The following SLC8B1 variants were observed in gnomAD, a reference collection of about 807,000 sequenced individuals.
The protein encoded by SLC8B1 is solute carrier family 8 member B1, also known as mitochondrial sodium/calcium exchanger protein.
SLC8B1 carries 52 observed loss-of-function variants against 63.4 expected under a neutral mutation model. The ratio of observed to expected loss-of-function variants is 0.82; its 90% CI spans 0.66 to 1.03. SLC8B1 has a LOEUF of 1.03. Ranked by LOEUF, SLC8B1 falls within the 50% of genes least tolerant of loss-of-function variation. The pLI, the probability that SLC8B1 is intolerant of heterozygous loss-of-function variation, is 0.00. For missense variants in SLC8B1, 657 were observed against 741.7 expected (o/e 0.89, Z 1.33); for synonymous variants, 336 against 323.9 (o/e 1.04, Z -0.40).
Position 113,320,422 on chromosome 12 carries a change from G to A in SLC8B1, c.603C>T (p.Pro201=). The change falls in exon 7 of 16, where the codon CCC becomes CCT. Residue 201 remains proline, a synonymous_variant. Coordinates refer to ENST00000680972, the MANE Select transcript of SLC8B1 (RefSeq NM_001358345.2). The surrounding 1 kb of genome is among the most constrained non-coding windows in gnomAD (Gnocchi z 5.3). ...ILHPFMAASR[P]FFRDIVFYMV... ...TGTAGAAAACGATGTCCCTGAAGAA[G>A]GGCCTGGAGGCAGCCATGAAGGGGT... 1 of 1,614,166 alleles carries A rather than the reference G, an allele frequency of 6.2e-7. No homozygotes were observed. Among genetic ancestry groups the A allele is most frequent in the Non-Finnish European group, 8.5e-7 (1 of 1,180,026 alleles).
intron 10 of SLC8B1, 143 bp downstream of exon 10, chr12:113,316,383 T>C: frequency 8.8e-7 from 1 of 1,139,716 alleles, no homozygotes; most frequent in East Asian, 2.4e-5. Context: ...ACGCCTCAGT[T>C]TCCCCATCAA....
At chr12:113,312,464 G>A (rs971287875) in intron 11 of SLC8B1, among the ~76,000 whole-genome samples, 1 of 152,074 alleles carries the variant, frequency 6.6e-6, no homozygotes, top group African/African-American at 2.4e-5. Flanking sequence ...GAGTGGGGGA[G>A]TGACCACAAC....
rs1300460695 is a variant in SLC8B1, at chr12:113,311,752, G to C, written c.1136-1397C>G. On this transcript the variant is annotated intron_variant, in intron 11 of 15. Transcript: ENST00000680972. ...AGGGTCTCGATGTATCAACCAGGCTGGAGTGCACTGACACAATCACAGCTC... is the reference window on the plus strand; with the variant it reads ...AGGGTCTCGATGTATCAACCAGGCTCGAGTGCACTGACACAATCACAGCTC... Among the ~76,000 whole-genome samples the C allele has an allele frequency of 2.7e-5, 4 of 145,784 alleles. No homozygotes were observed. The Admixed American group carries it at 2.8e-4, about 10-fold the overall frequency.
At chr12:113,325,612 C>T (rs1477312684) in intron 2 of SLC8B1, among the ~76,000 whole-genome samples, 2 of 151,156 alleles carry the variant, frequency 1.3e-5, no homozygotes, top group Admixed American at 6.6e-5. Flanking sequence ...TCGCCCAGGC[C>T]AGACTGCAGT....
At chr12:113,300,051 T>A in intron 15 of SLC8B1, 77 bp from the exon 16 acceptor site, 1 of 1,331,772 alleles carries the variant, frequency 7.5e-7, no homozygotes, top group Non-Finnish European at 1.1e-6. Context: ...AACACAACAA[T>A]GCAGCCTCAA....
At position 113,320,769 on chromosome 12, in the gene SLC8B1, C is replaced by A; in HGVS notation, c.420+81G>T. ...GACCCTATCCCCCAGCTTCCCCACA[C>A]GGGGATAGACATGACCCTATCTCCC... is the stretch of plus-strand genomic sequence containing the variant. On this transcript the variant is annotated intron_variant, in intron 5 of 15. Coordinates refer to ENST00000680972, the MANE Select transcript of SLC8B1 (RefSeq NM_001358345.2). This position sits in a 1 kb window ranked among gnomAD's most constrained non-coding sequence, Gnocchi z 5.3. 6.4e-7 allele frequency: 1 copy of A among 1,573,654 alleles called. No individual in the cohort carries two copies. Among genetic ancestry groups the A allele is most frequent in the Non-Finnish European group, 8.6e-7 (1 of 1,157,806 alleles).
intron 2 of SLC8B1, among the ~76,000 whole-genome samples, chr12:113,323,734 T>C (rs1956960486): frequency 1.3e-5 from 2 of 151,914 alleles, no homozygotes; most frequent in Non-Finnish European, 2.9e-5. Flanking sequence ...CAAAAAAAGC[T>C]AAGACAGTAA....
At chr12:113,316,350 G>A (rs1276340467) in intron 10 of SLC8B1, among the ~76,000 whole-genome samples, 176 bp downstream of exon 10, 1 of 152,174 alleles carries the variant, frequency 6.6e-6, no homozygotes, top group African/African-American at 2.4e-5. Context: ...CAGAGCCCCA[G>A]GTCAAGCCAT....
In SLC8B1 at chr12:113,299,682, A is replaced by G. The variant is rs1033901619; in HGVS notation, c.*95T>C. 8.0e-7 allele frequency: 1 copy of G among 1,251,942 alleles called. No individual in the cohort carries two copies. Among genetic ancestry groups the G allele is most frequent in the East Asian group, 2.4e-5 (1 of 42,232 alleles). The allele number at this position is 1,251,942 out of a possible 1,614,324, so 77.6% of individuals were successfully genotyped here. On this transcript the variant is annotated 3_prime_UTR_variant, in exon 16 of 16. Transcript: ENST00000680972. ...CAAGGGCCGCACTCTCGTGCCCACA[A>G]GGGCCTTGCAGAAATGCTCCGGTCC...
chr12:113,323,715 A>C (rs146358194), intron 2 of SLC8B1, among the ~76,000 whole-genome samples: 2,647 of 152,254 alleles, frequency 0.017, 29 homozygotes, highest in Middle Eastern at 0.037. Flanking sequence ...TCTCAAAAAA[A>C]AACAACAACA....
intron 1 of SLC8B1, among the ~76,000 whole-genome samples, chr12:113,333,988 C>T (rs1376746920): frequency 2.6e-5 from 4 of 152,204 alleles, no homozygotes; most frequent in Admixed American, 6.5e-5. Flanking sequence ...GGACTACAGG[C>T]GTGAGCCACC....
At chr12:113,308,616 T>A (rs941731132) in intron 12 of SLC8B1, 5 of 152,182 alleles carry the variant, frequency 3.3e-5, no homozygotes, top group Admixed American at 3.3e-4. Context: ...CAGTGTGTGA[T>A]CCTCTGCTAC....
At chr12:113,301,333 CTTTTTTT>C (rs61095726) in intron 15 of SLC8B1, among the ~76,000 whole-genome samples, 3 of 107,600 alleles carry the variant, frequency 2.8e-5, no homozygotes, top group Non-Finnish European at 3.7e-5. Flanking sequence ...CTTTATAAGG[CTTTTTTT>C]TTTTTTTTTT....
chr12:113,329,350 G>A (rs1045956308), intron 2 of SLC8B1, among the ~76,000 whole-genome samples: 2 of 152,120 alleles, frequency 1.3e-5, no homozygotes, highest in African/African-American at 2.4e-5. Context: ...TGCCCAACTG[G>A]GCAGGGGCAG....
At chr12:113,325,796 C>T (rs1014612060) in intron 2 of SLC8B1, among the ~76,000 whole-genome samples, 1 of 152,176 alleles carries the variant, frequency 6.6e-6, no homozygotes, top group Non-Finnish European at 1.5e-5. Context: ...ATCTCCTGAC[C>T]TTGTGATCCA....
chr12:113,321,196 G>A lies in SLC8B1; in HGVS notation c.309C>T (p.Tyr103=), dbSNP rs530681727. 5.0e-5 allele frequency: 81 copies of A among 1,614,092 alleles called. 1 individual carries two copies. The highest frequency in any genetic ancestry group is 3.6e-4 in the South Asian group (33 of 91,088). ...PSLLPLAVTL[Y]VSWLLYLFLI... ...CCAGCCCCCCAGGGCAGGGCCTCAC[G>A]TAGAGAGTGACAGCCAGAGGGAGGA... The change falls in exon 3 of 16, where the codon TAC becomes TAT. Residue 103 remains tyrosine (Y), a splice_region_variant and synonymous_variant. Coordinates refer to ENST00000680972, the MANE Select transcript of SLC8B1 (RefSeq NM_001358345.2).
At chr12:113,315,586 G>T in intron 10 of SLC8B1, 110 bp from the exon 11 acceptor site, 1 of 1,316,008 alleles carries the variant, frequency 7.6e-7, no homozygotes, top group Non-Finnish European at 1.0e-6. Context: ...CTGAAGCACT[G>T]ACTGTGTGCG....
intron 2 of SLC8B1, among the ~76,000 whole-genome samples, chr12:113,328,765 T>TTC (rs1957025511): frequency 6.8e-6 from 1 of 147,980 alleles, no homozygotes; most frequent in African/African-American, 2.5e-5. Flanking sequence ...TTTTTTTCCT[T>TTC]TTTTGAGATG....
At position 113,320,937 on chromosome 12, in the gene SLC8B1, T is replaced by C; in HGVS notation, c.363-30A>G. 1 of 1,598,254 alleles carries C rather than the reference T, an allele frequency of 6.3e-7. No homozygotes were observed. Among genetic ancestry groups the C allele is most frequent in the Non-Finnish European group, 8.5e-7 (1 of 1,173,666 alleles). ...GGAGAAAAAGCGGACGGGAAGCATT[T>C]CCGTAGTAACCGGCCCCGGACCCCT... On this transcript the variant is annotated intron_variant, in intron 4 of 15. Transcript: ENST00000680972. The surrounding 1 kb of genome is among the most constrained non-coding windows in gnomAD (Gnocchi z 5.3).
Sources: allele counts gnomAD v4.1 joint callset (sites outside exome capture counted in the v4.1 genomes callset), GRCh38; gene constraint gnomAD v4.1.1; non-coding constraint Gnocchi (gnomAD v3.1); transcripts MANE v1.5; gene names NCBI Gene and HGNC (gene_info 2026-07-23, HGNC 2026-07-21).